METAP1D: variants seen among roughly 807,000 people sequenced by gnomAD.
METAP1D encodes methionine aminopeptidase 1D, mitochondrial.
METAP1D carries 31 observed loss-of-function variants against 40.5 expected under a neutral mutation model. The observed-to-expected ratio is 0.77, with a 90% confidence interval of 0.58 to 1.03. The LOEUF is 1.03. METAP1D is among the 50% of genes least tolerant of loss of function. The pLI is 0.00. For missense variants in METAP1D, 411 were observed against 420.7 expected (o/e 0.98, Z 0.20); for synonymous variants, 151 against 146.4 (o/e 1.03, Z -0.22).
In METAP1D at chr2:172,047,395, A is replaced by G. The variant is rs181263494; in HGVS notation, c.41-14103A>G. On this transcript the variant is annotated intron_variant, in intron 1 of 9. Transcript: ENST00000315796. ...GTTAAAGTTTATGGCTAAGCACAGC[A>G]TTGACTGAATGGTATTTAGTAACAG... is the stretch of plus-strand genomic sequence containing the variant. Among the ~76,000 whole-genome samples, 12 of 152,298 alleles carry G rather than the reference A, an allele frequency of 7.9e-5. No homozygotes were observed. In the East Asian group the frequency reaches 2.3e-3, roughly 29 times the overall value.
At chr2:172,003,555 C>T (rs1351648973) in intron 1 of METAP1D, among the ~76,000 whole-genome samples, 1 of 152,096 alleles carries the variant, frequency 6.6e-6, no homozygotes, top group East Asian at 1.9e-4. Context: ...GTTTTATAAG[C>T]GTCTGGCATT....
intron 1 of METAP1D, among the ~76,000 whole-genome samples, chr2:172,027,232 C>A (rs1041130933): frequency 5.9e-5 from 9 of 152,194 alleles, no homozygotes; most frequent in Non-Finnish European, 1.3e-4. Context: ...TCATCTTGTG[C>A]TTATAGGTAA....
chr2:172,055,922 C>T (rs993271873), intron 1 of METAP1D, among the ~76,000 whole-genome samples: 2 of 152,100 alleles, frequency 1.3e-5, no homozygotes, highest in African/African-American at 4.8e-5. Context: ...TGTCATTTGG[C>T]AGGACAGGTA....
chr2:172,028,172 TAG>T (rs35525907), intron 1 of METAP1D, among the ~76,000 whole-genome samples: 39,819 of 152,056 alleles, frequency 0.26, 6,007 homozygotes, highest in Middle Eastern at 0.39. Context: ...GGGACCACTT[TAG>T]AGAGAGAGGT....
chr2:172,030,221 C>G (rs1446230168), intron 1 of METAP1D, among the ~76,000 whole-genome samples: 3 of 151,774 alleles, frequency 2.0e-5, no homozygotes, highest in African/African-American at 7.2e-5. Context: ...TCCTGAGTAG[C>G]TGGGATTACA....
chr2:172,034,823 C>T (rs1398833516), intron 1 of METAP1D, among the ~76,000 whole-genome samples: 1 of 151,888 alleles, frequency 6.6e-6, no homozygotes, highest in South Asian at 2.1e-4. Context: ...GTCGTGTAGA[C>T]AACTGTGCTA....
chr2:172,013,333 G>A (rs1037582974), intron 1 of METAP1D, among the ~76,000 whole-genome samples: 2 of 152,140 alleles, frequency 1.3e-5, no homozygotes. Flanking sequence ...CAGCATCTAC[G>A]CATCTGCCCC....
intron 1 of METAP1D, among the ~76,000 whole-genome samples, chr2:172,017,302 C>A (rs55966530): frequency 6.8e-6 from 1 of 147,312 alleles, no homozygotes; most frequent in African/African-American, 2.5e-5. Flanking sequence ...TATATAAAAC[C>A]TTTCATGGAA....
At chr2:172,021,514 T>G (rs533327767) in intron 1 of METAP1D, among the ~76,000 whole-genome samples, 42 of 152,356 alleles carry the variant, frequency 2.8e-4, no homozygotes, top group African/African-American at 8.7e-4. Context: ...AGTAAAAGAC[T>G]TTTCTTGCAT....
chr2:172,001,522 A>G (rs186973303), intron 1 of METAP1D, among the ~76,000 whole-genome samples: 4 of 152,210 alleles, frequency 2.6e-5, no homozygotes, highest in African/African-American at 9.6e-5. Flanking sequence ...TGGGCGACAG[A>G]GCGAGACTCC....
In METAP1D at chr2:172,059,778, G is replaced by A. The variant is rs899220131; in HGVS notation, c.41-1720G>A. Reference sequence around the variant, plus strand: ...TCTAAAACTATTGTTCTGGCCAGGCGCGGTGGCTACGCCCGTAATCCCAGC... The same window carrying A: ...TCTAAAACTATTGTTCTGGCCAGGCACGGTGGCTACGCCCGTAATCCCAGC... On this transcript the variant is annotated intron_variant, in intron 1 of 9. Transcript: ENST00000315796. Among the ~76,000 whole-genome samples the A allele has an allele frequency of 2.6e-5, 4 of 152,206 alleles. No individual in the cohort carries two copies. In the East Asian group the frequency reaches 7.7e-4, roughly 29 times the overall value.
Position 172,005,444 on chromosome 2 carries a change from G to C in METAP1D, c.40+5435G>C, listed in dbSNP as rs1426875476. Among the ~76,000 whole-genome samples the C allele has an allele frequency of 2.0e-5, 3 of 148,682 alleles. No individual in the cohort carries two copies. The East Asian group carries it at 5.9e-4, about 29-fold the overall frequency. On this transcript the variant is annotated intron_variant, in intron 1 of 9. Transcript: ENST00000315796. ...ACTTCACTTAGAATAATGGCCTCCA[G>C]TTCCATCCAAGTTGCTACAAAAGAC... is the stretch of plus-strand genomic sequence containing the variant.
intron 8 of METAP1D, 120 bp downstream of exon 8, chr2:172,079,382 G>T: frequency 2.3e-6 from 2 of 860,170 alleles, no homozygotes; most frequent in South Asian, 2.9e-5. Context: ...GAAATAATTC[G>T]GATGCACTGG....
Position 172,018,865 on chromosome 2 carries a change from C to T in METAP1D, c.40+18856C>T, listed in dbSNP as rs112874798. On this transcript the variant is annotated intron_variant, in intron 1 of 9. Transcript: ENST00000315796. The stretch of plus-strand genomic sequence containing the variant: ...TCTTTTTGTTTTCCAGGATCCAATT[C>T]GGTATTCCACAATGTAATTTAGTTG... 3.6e-3 allele frequency among the ~76,000 whole-genome samples: 545 copies of T among 152,136 alleles called. 3 individuals carry two copies. The highest frequency in any genetic ancestry group is 5.6e-3 in the Non-Finnish European group (380 of 68,000).
chr2:172,034,405 T>TTGTGTGTGTGTGTG (rs377629727), intron 1 of METAP1D, among the ~76,000 whole-genome samples: 4 of 142,240 alleles, frequency 2.8e-5, no homozygotes, highest in Admixed American at 2.2e-4. Context: ...GTCTCAGTTT[T>TTGTGTGTGTGTGTG]TGTGTGTGTG....
chr2:172,042,980 CAT>C lies in METAP1D; in HGVS notation c.41-18515_41-18514del, dbSNP rs1201064788. On this transcript the variant is annotated intron_variant, in intron 1 of 9. Coordinates refer to ENST00000315796, the MANE Select transcript of METAP1D (RefSeq NM_199227.3). ...GTATATATATGCGTACATGTGCATA[CAT>C]ATGTGTGCGTGTGTACACATATATG... Among the ~76,000 whole-genome samples the C allele has an allele frequency of 4.0e-5, 5 of 123,940 alleles. 1 individual carries two copies. The highest frequency in any genetic ancestry group is 8.1e-5 in the Admixed American group (1 of 12,316). 81.3% of individuals were successfully genotyped at this position (123,940 alleles called of 152,430 possible). A position where few individuals can be genotyped will look rare whatever the true frequency, so the allele number is the denominator to read the frequency against.
At chr2:172,019,801 T>G (rs1429586662) in intron 1 of METAP1D, among the ~76,000 whole-genome samples, 1 of 152,194 alleles carries the variant, frequency 6.6e-6, no homozygotes, top group African/African-American at 2.4e-5. Context: ...GAGCCACCTC[T>G]TGGTTCCAGT....
chr2:172,054,172 G>C (rs1239863381), intron 1 of METAP1D, among the ~76,000 whole-genome samples: 1 of 152,160 alleles, frequency 6.6e-6, no homozygotes, highest in African/African-American at 2.4e-5. Context: ...TGGACCCTGA[G>C]TAAGAGGCCA....
intron 1 of METAP1D, among the ~76,000 whole-genome samples, chr2:172,015,820 G>T (rs934368151): frequency 4.6e-5 from 7 of 152,034 alleles, no homozygotes; most frequent in African/African-American, 1.7e-4. Flanking sequence ...AATTAGCTGG[G>T]TATGGTGGCA....
Sources: gnomAD v4.1 joint callset for allele counts (sites outside exome capture counted in the v4.1 genomes callset) on GRCh38, gnomAD v4.1.1 for gene constraint, MANE v1.5 for transcripts, NCBI Gene and HGNC (gene_info 2026-07-23, HGNC 2026-07-21) for gene names.